The following ARHGAP12 variants were observed in gnomAD, a reference collection of about 807,000 sequenced individuals.
ARHGAP12 encodes Rho GTPase activating protein 12.
In ARHGAP12, 64 loss-of-function variants were observed where a neutral mutation model predicts 108.6. The ratio of observed to expected loss-of-function variants is 0.59; its 90% CI spans 0.48 to 0.73. The LOEUF (loss-of-function observed/expected upper bound fraction) is 0.73. Ranked by LOEUF, ARHGAP12 falls within the 30% of genes least tolerant of loss-of-function variation. The probability of loss-of-function intolerance (pLI) is 0.00; values close to 1 mark genes in which losing one functional copy is unlikely to be tolerated. For synonymous variants in ARHGAP12, 312 were observed against 337.2 expected (o/e 0.93, Z 0.82); for missense variants, 940 against 1,005.9 (o/e 0.93, Z 0.89).
At chr10:31,830,309 T>C (rs188001256) in intron 10 of ARHGAP12, among the ~76,000 whole-genome samples, 25 of 151,878 alleles carry the variant, frequency 1.6e-4, no homozygotes, top group African/African-American at 5.3e-4. Flanking sequence ...TCAATGTAAA[T>C]AAATTTGAAG....
At position 31,843,484 on chromosome 10, in the gene ARHGAP12, T is replaced by TG; in HGVS notation, c.1272dup (p.Ile425HisfsTer6). The TG allele has an allele frequency of 6.2e-7, 1 of 1,613,046 alleles. No individual in the cohort carries two copies. Among genetic ancestry groups the TG allele is most frequent in the Non-Finnish European group, 8.5e-7 (1 of 1,179,544 alleles). On this transcript the variant is annotated frameshift_variant, in exon 7 of 20. Coordinates refer to ENST00000344936, the MANE Select transcript of ARHGAP12 (RefSeq NM_018287.7). LOFTEE classifies it high-confidence loss of function. ...ACCTTATCATTAGTGTCCAATACAA[T>TG]GGTGCTATGTCTCCACTTTGTTAAT...
Position 31,928,752 on chromosome 10 carries a change from C to G in ARHGAP12, c.-180G>C, listed in dbSNP as rs1267720874. On this transcript the variant is annotated 5_prime_UTR_variant, in exon 1 of 20. Transcript: ENST00000344936. ...GCCCCGCGGCTGCGGGTCGACGACG[C>G]GAGCCCGAAGAGCGTTCACACGGCT... is the stretch of plus-strand genomic sequence containing the variant. 1 of 151,940 alleles carries G rather than the reference C, an allele frequency of 6.6e-6. No homozygotes were observed. The highest frequency in any genetic ancestry group is 1.5e-5 in the Non-Finnish European group (1 of 68,006). The allele number at this position is 151,940 out of a possible 1,614,324, so 9.4% of individuals were successfully genotyped here. A position where few individuals can be genotyped will look rare whatever the true frequency, so the allele number is the denominator to read the frequency against.
chr10:31,846,992 C>G (rs1399000242), intron 6 of ARHGAP12, among the ~76,000 whole-genome samples: 1 of 133,852 alleles, frequency 7.5e-6, no homozygotes. Context: ...ATCATAGATT[C>G]TCTTCTCTTT....
At chr10:31,877,047 T>C (rs566057318) in intron 3 of ARHGAP12, among the ~76,000 whole-genome samples, 1 of 152,328 alleles carries the variant, frequency 6.6e-6, no homozygotes, top group African/African-American at 2.4e-5. Context: ...ATGCTTGTTC[T>C]TTTTCATCAG....
intron 3 of ARHGAP12, among the ~76,000 whole-genome samples, chr10:31,896,487 C>CTTTT (rs1838702134): frequency 6.6e-6 from 1 of 152,012 alleles, no homozygotes; most frequent in Admixed American, 6.6e-5. Flanking sequence ...ATCGTGTCAG[C>CTTTT]CTCATAGAGA....
chr10:31,838,989 C>T (rs762719085), intron 9 of ARHGAP12, among the ~76,000 whole-genome samples: 1 of 151,878 alleles, frequency 6.6e-6, no homozygotes, highest in African/African-American at 2.4e-5. Flanking sequence ...ACACTCCAGC[C>T]TGGACAACAG....
intron 14 of ARHGAP12, among the ~76,000 whole-genome samples, chr10:31,813,396 T>C (rs1331542200): frequency 2.0e-5 from 3 of 152,174 alleles, no homozygotes; most frequent in Non-Finnish European, 4.4e-5. Context: ...CTCCATTGCC[T>C]TTAGTCTTGA....
rs1834839726 is a variant in ARHGAP12, at chr10:31,806,890, G to A, written c.*768C>T. 1 of 152,296 alleles carries A rather than the reference G, an allele frequency of 6.6e-6. No individual in the cohort carries two copies. Among genetic ancestry groups the A allele is most frequent in the African/African-American group, 2.4e-5 (1 of 41,412 alleles). The allele number at this position is 152,296 out of a possible 1,614,324, so 9.4% of individuals were successfully genotyped here. A position where few individuals can be genotyped will look rare whatever the true frequency, so the allele number is the denominator to read the frequency against. ...TTAGCCTATATTTACATAAAATAAT[G>A]TGTGTTTCCACAGGGTCATACCAAT... On this transcript the variant is annotated 3_prime_UTR_variant, in exon 20 of 20. Transcript: ENST00000344936.
intron 8 of ARHGAP12, 116 bp from the exon 9 acceptor site, chr10:31,839,435 T>A: frequency 1.7e-6 from 2 of 1,172,504 alleles, no homozygotes; most frequent in Non-Finnish European, 2.4e-6. Context: ...TTTAATCATG[T>A]AAGATACCAT....
chr10:31,920,178 C>T (rs1479446205), intron 1 of ARHGAP12, among the ~76,000 whole-genome samples: 3 of 151,208 alleles, frequency 2.0e-5, no homozygotes, highest in African/African-American at 4.9e-5. Flanking sequence ...ATTAGCCGGG[C>T]GCAGTGGCTC....
intron 1 of ARHGAP12, among the ~76,000 whole-genome samples, chr10:31,911,542 G>C (rs1452688194): frequency 6.6e-6 from 1 of 152,086 alleles, no homozygotes; most frequent in African/African-American, 2.4e-5. Flanking sequence ...TTAAACTCCT[G>C]GGCTCATGTG....
intron 11 of ARHGAP12, among the ~76,000 whole-genome samples, chr10:31,822,898 TAA>T (rs1229206236): frequency 6.6e-6 from 1 of 152,122 alleles, no homozygotes; most frequent in Non-Finnish European, 1.5e-5. Context: ...AGTCATCTGC[TAA>T]ACACCCTACC....
chr10:31,860,007 C>A (rs1364958593), intron 4 of ARHGAP12, among the ~76,000 whole-genome samples: 1 of 152,124 alleles, frequency 6.6e-6, no homozygotes, highest in Admixed American at 6.5e-5. Context: ...GTTTCGAACT[C>A]CTGACCTCAA....
At chr10:31,855,488 A>G (rs189174531) in intron 4 of ARHGAP12, among the ~76,000 whole-genome samples, 30 of 152,336 alleles carry the variant, frequency 2.0e-4, no homozygotes, top group Admixed American at 1.6e-3. Context: ...GTAGTTAAAG[A>G]CACTAAGAGC....
chr10:31,855,419 T>TG (rs1311404630), intron 4 of ARHGAP12, among the ~76,000 whole-genome samples: 2 of 152,308 alleles, frequency 1.3e-5, no homozygotes, highest in South Asian at 4.1e-4. Context: ...TCATTCAGAC[T>TG]GTATTTTCTA....
chr10:31,843,913 T>C (rs1836357599), intron 6 of ARHGAP12, among the ~76,000 whole-genome samples: 1 of 152,154 alleles, frequency 6.6e-6, no homozygotes, highest in South Asian at 2.1e-4. Flanking sequence ...GATCAAAGTA[T>C]TAAAGAAGAA....
chr10:31,884,269 T>C (rs1838108556), intron 3 of ARHGAP12, among the ~76,000 whole-genome samples: 1 of 151,554 alleles, frequency 6.6e-6, no homozygotes, highest in African/African-American at 2.4e-5. Flanking sequence ...CATTTAAAAA[T>C]AAGCCTGTTA....
At chr10:31,872,723 T>C (rs1241861000) in intron 3 of ARHGAP12, among the ~76,000 whole-genome samples, 1 of 152,194 alleles carries the variant, frequency 6.6e-6, no homozygotes, top group Non-Finnish European at 1.5e-5. Context: ...CTTAAAAACA[T>C]CAATGAAAAT....
At chr10:31,886,361 ATG>A (rs1384587332) in intron 3 of ARHGAP12, among the ~76,000 whole-genome samples, 4 of 152,160 alleles carry the variant, frequency 2.6e-5, no homozygotes, top group Non-Finnish European at 2.9e-5. Context: ...ACAATTATCT[ATG>A]TGTTTGTGTG....
Sources: gnomAD v4.1 joint callset for allele counts (sites outside exome capture counted in the v4.1 genomes callset) on GRCh38, gnomAD v4.1.1 for gene constraint, MANE v1.5 for transcripts, NCBI Gene and HGNC (gene_info 2026-07-23, HGNC 2026-07-21) for gene names.